The following CTNNA2 variants were observed in gnomAD, a reference collection of about 807,000 sequenced individuals.
CTNNA2 encodes catenin alpha 2.
A neutral mutation model predicts 101.0 loss-of-function variants in CTNNA2; 42 were observed. The ratio of observed to expected loss-of-function variants is 0.42; its 90% CI spans 0.32 to 0.54. The LOEUF (loss-of-function observed/expected upper bound fraction) is 0.54. CTNNA2 is among the 20% of genes least tolerant of loss of function. The pLI is 0.14. For synonymous variants in CTNNA2, 450 were observed against 456.4 expected, an observed-to-expected ratio of 0.99 and a Z score of 0.18; for missense variants, 871 against 1,223.1, an observed-to-expected ratio of 0.71 and a Z score of 4.29.
At chr2:80,461,148 C>T (rs983884269) in intron 9 of CTNNA2, among the ~76,000 whole-genome samples, 1 of 152,170 alleles carries the variant, frequency 6.6e-6, no homozygotes, top group African/African-American at 2.4e-5. Context: ...CCCATTTGTG[C>T]ATTTCCTTGT....
At chr2:79,973,340 C>T (rs1246493031) in intron 7 of CTNNA2, among the ~76,000 whole-genome samples, 2 of 152,026 alleles carry the variant, frequency 1.3e-5, no homozygotes, top group African/African-American at 2.4e-5. Flanking sequence ...TTTCCTGAAG[C>T]GAAGTTGGCC....
chr2:80,273,877 C>T (rs1455978207), intron 7 of CTNNA2, among the ~76,000 whole-genome samples: 1 of 151,988 alleles, frequency 6.6e-6, no homozygotes, highest in Non-Finnish European at 1.5e-5. Flanking sequence ...CTACCTTTCC[C>T]CTGTTTATCT....
At chr2:79,822,280 A>G (rs1401206725) in intron 3 of CTNNA2, among the ~76,000 whole-genome samples, 1 of 152,106 alleles carries the variant, frequency 6.6e-6, no homozygotes, top group African/African-American at 2.4e-5. Flanking sequence ...CATGTAAAAA[A>G]TTTCAGAGCC....
At chr2:80,539,066 C>T (rs543356692) in intron 9 of CTNNA2, among the ~76,000 whole-genome samples, 137 of 152,080 alleles carry the variant, frequency 9.0e-4, no homozygotes, top group African/African-American at 2.7e-3. Context: ...TTGCCCAGAC[C>T]AGAGTGGAGT....
intron 7 of CTNNA2, among the ~76,000 whole-genome samples, chr2:80,152,875 G>C (rs114173858): frequency 0.011 from 1,711 of 152,240 alleles, 39 homozygotes; most frequent in African/African-American, 0.037. Flanking sequence ...TAAGATTTGG[G>C]TAACAATAAA....
chr2:79,521,872 G>A (rs1404795350), intron 1 of CTNNA2, among the ~76,000 whole-genome samples: 2 of 152,088 alleles, frequency 1.3e-5, no homozygotes, highest in East Asian at 3.9e-4. Flanking sequence ...GAGGGGCAGG[G>A]AATCTGGACC....
intron 15 of CTNNA2, 53 bp from the exon 16 acceptor site, chr2:80,604,021 T>C: frequency 6.7e-7 from 1 of 1,486,338 alleles, no homozygotes; most frequent in Admixed American, 1.7e-5. Context: ...GGTAGGTTGG[T>C]CTCTTTCCCG....
chr2:80,234,156 C>T (rs1210901479), intron 7 of CTNNA2, among the ~76,000 whole-genome samples: 2 of 152,104 alleles, frequency 1.3e-5, no homozygotes, highest in Admixed American at 6.5e-5. Flanking sequence ...AAGCAATTCT[C>T]CTGCCTCAGC....
intron 4 of CTNNA2, among the ~76,000 whole-genome samples, chr2:79,422,464 C>T (rs953004020): frequency 6.6e-6 from 1 of 152,144 alleles, no homozygotes; most frequent in African/African-American, 2.4e-5. Flanking sequence ...TATCCAGCCC[C>T]AAATGTCGAT....
chr2:80,210,987 T>A (rs1269419861), intron 7 of CTNNA2, among the ~76,000 whole-genome samples: 1 of 152,254 alleles, frequency 6.6e-6, no homozygotes, highest in Non-Finnish European at 1.5e-5. Context: ...CATTTTTTCA[T>A]GTGTCTGTTG....
intron 7 of CTNNA2, among the ~76,000 whole-genome samples, chr2:80,291,196 CCCTTGGGGGAAGTTCATCGCTTTG>C (rs1265040773): frequency 6.6e-6 from 1 of 152,226 alleles, no homozygotes; most frequent in African/African-American, 2.4e-5. Context: ...TGGAGTCTTT[CCCTTGGGGGAAGTTCATCGCTTTG>C]CCTGTTGATA....
chr2:80,303,415 G>T lies in CTNNA2; in HGVS notation c.1057-89796G>T. ...GGTCCACGCTGCGCAGGTTGGGCAT[G>T]GGCCGGAAGGTGGTGTTGGGCAGTT... is the stretch of plus-strand genomic sequence containing the variant. On this transcript the variant is annotated intron_variant, in intron 7 of 18. Transcript: ENST00000402739. This position sits in a 1 kb window ranked among gnomAD's most constrained non-coding sequence, Gnocchi z 7.7. 6.2e-7 allele frequency: 1 copy of T among 1,614,230 alleles called. No individual in the cohort carries two copies.
At chr2:79,443,924 CT>C (rs1678803355) in intron 4 of CTNNA2, among the ~76,000 whole-genome samples, 3 of 148,042 alleles carry the variant, frequency 2.0e-5, no homozygotes, top group African/African-American at 7.9e-5. Context: ...CTCTCTCTCT[CT>C]CTCTCTCTCT....
chr2:79,984,599 G>A (rs149057981), intron 7 of CTNNA2, among the ~76,000 whole-genome samples: 1 of 152,338 alleles, frequency 6.6e-6, no homozygotes, highest in Non-Finnish European at 1.5e-5. Flanking sequence ...ACCGGGTTGA[G>A]AATGATGCCT....
chr2:80,586,682 TAC>T (rs1202236614), intron 14 of CTNNA2, among the ~76,000 whole-genome samples: 2 of 152,226 alleles, frequency 1.3e-5, no homozygotes, highest in South Asian at 2.1e-4. Context: ...CCTTTTCAAA[TAC>T]AGTTTTTAAA....
intron 7 of CTNNA2, among the ~76,000 whole-genome samples, chr2:80,354,746 A>G (rs1559037635): frequency 6.6e-6 from 1 of 152,114 alleles, no homozygotes; most frequent in Non-Finnish European, 1.5e-5. Context: ...GTTCTCTGGA[A>G]GTGATATTAC....
chr2:79,531,408 A>G (rs1171808240), intron 1 of CTNNA2, among the ~76,000 whole-genome samples: 18 of 151,898 alleles, frequency 1.2e-4, no homozygotes, highest in Non-Finnish European at 2.5e-4. Context: ...AGACATGAAC[A>G]ATAGACTTTG....
intron 1 of CTNNA2, among the ~76,000 whole-genome samples, chr2:79,563,996 T>G (rs918964239): frequency 2.0e-5 from 3 of 152,138 alleles, no homozygotes; most frequent in African/African-American, 7.2e-5. Context: ...GAGCCTGGTC[T>G]GACCTGAGGG....
intron 2 of CTNNA2, among the ~76,000 whole-genome samples, chr2:79,275,212 T>C (rs1463521586): frequency 6.6e-6 from 1 of 152,010 alleles, no homozygotes; most frequent in African/African-American, 2.4e-5. Context: ...CAAGACAAAA[T>C]GACAGCATAT....
Sources: allele counts gnomAD v4.1 joint callset (sites outside exome capture counted in the v4.1 genomes callset), GRCh38; gene constraint gnomAD v4.1.1; non-coding constraint Gnocchi (gnomAD v3.1); transcripts MANE v1.5; gene names NCBI Gene and HGNC (gene_info 2026-07-23, HGNC 2026-07-21).